RALYL: variants seen among roughly 807,000 people sequenced by gnomAD.
RALYL encodes the protein RALY RNA binding protein like.
RALYL carries 29 observed loss-of-function variants against 35.1 expected under a neutral mutation model. That is an observed-to-expected ratio of 0.83 (90% CI 0.61 to 1.13). The LOEUF is 1.13. Ranked by LOEUF, RALYL falls within the 50% of genes most tolerant of loss-of-function variation. The pLI, the probability that RALYL is intolerant of heterozygous loss-of-function variation, is 0.00. For missense variants in RALYL, 359 were observed against 360.4 expected (o/e 1.00, Z 0.03); for synonymous variants, 120 against 127.6 (o/e 0.94, Z 0.40).
At chr8:84,839,155 C>T (rs1832654657) in intron 4 of RALYL, among the ~76,000 whole-genome samples, 1 of 152,138 alleles carries the variant, frequency 6.6e-6, no homozygotes, top group African/African-American at 2.4e-5. Context: ...GAGTGTGAGC[C>T]AAAGCAGGGC....
At chr8:84,476,550 TGA>T (rs534899052) in intron 1 of RALYL, among the ~76,000 whole-genome samples, 4 of 152,238 alleles carry the variant, frequency 2.6e-5, no homozygotes, top group Non-Finnish European at 5.9e-5. Context: ...CTTAAAATGT[TGA>T]GCCAATGTCT....
At chr8:84,902,065 T>C (rs1447279976) in intron 8 of RALYL, among the ~76,000 whole-genome samples, 1 of 152,176 alleles carries the variant, frequency 6.6e-6, no homozygotes, top group Non-Finnish European at 1.5e-5. Flanking sequence ...ACTCACAATC[T>C]TGGAGATGTG....
intron 1 of RALYL, among the ~76,000 whole-genome samples, chr8:84,305,887 G>C (rs1841690101): frequency 6.6e-6 from 1 of 152,184 alleles, no homozygotes; most frequent in African/African-American, 2.4e-5. Flanking sequence ...AAAACAAAGA[G>C]TATGTAATTC....
intron 2 of RALYL, among the ~76,000 whole-genome samples, chr8:84,544,630 C>T (rs1277953766): frequency 1.3e-5 from 2 of 151,960 alleles, no homozygotes; most frequent in Non-Finnish European, 2.9e-5. Context: ...TGAGTATGCT[C>T]TTTCATATTT....
chr8:84,513,069 A>G (rs1166078403), intron 1 of RALYL, among the ~76,000 whole-genome samples: 1 of 152,068 alleles, frequency 6.6e-6, no homozygotes, highest in Non-Finnish European at 1.5e-5. Context: ...TGTCATTGGT[A>G]TTTTGATAGA....
intron 1 of RALYL, among the ~76,000 whole-genome samples, chr8:84,527,551 C>A (rs897832120): frequency 9.2e-5 from 14 of 152,084 alleles, no homozygotes; most frequent in Non-Finnish European, 1.9e-4. Flanking sequence ...AAGTAGTATG[C>A]TTTCTGTGGA....
chr8:84,555,975 A>G (rs1251953206), intron 2 of RALYL, among the ~76,000 whole-genome samples: 1 of 152,246 alleles, frequency 6.6e-6, no homozygotes. Context: ...AAAGAACACC[A>G]GAACTTAAAA....
intron 1 of RALYL, among the ~76,000 whole-genome samples, chr8:84,466,917 A>T (rs1229892961): frequency 2.0e-5 from 3 of 151,716 alleles, no homozygotes; most frequent in Non-Finnish European, 2.9e-5. Context: ...TAGATTTTCT[A>T]GTTTATTTGC....
At chr8:84,717,021 T>C (rs1843049803) in intron 2 of RALYL, among the ~76,000 whole-genome samples, 1 of 152,052 alleles carries the variant, frequency 6.6e-6, no homozygotes, top group African/African-American at 2.4e-5. Flanking sequence ...ACCCTCTCTC[T>C]ACTAAAAATA....
intron 2 of RALYL, among the ~76,000 whole-genome samples, chr8:84,713,654 C>A (rs2132510011): frequency 6.6e-6 from 1 of 151,866 alleles, no homozygotes; most frequent in South Asian, 2.1e-4. Context: ...TTAGTACAAC[C>A]ATTATGGAAA....
At chr8:84,493,840 C>T (rs2055636638) in intron 1 of RALYL, among the ~76,000 whole-genome samples, 1 of 152,030 alleles carries the variant, frequency 6.6e-6, no homozygotes, top group African/African-American at 2.4e-5. Context: ...AAATTGTCTC[C>T]TATTCTGTAG....
At chr8:84,396,178 C>T (rs911042361) in intron 1 of RALYL, among the ~76,000 whole-genome samples, 2 of 151,810 alleles carry the variant, frequency 1.3e-5, no homozygotes, top group African/African-American at 4.8e-5. Context: ...AGATTAGGTC[C>T]TAGATCAGGA....
chr8:84,315,472 A>C (rs1260984931), intron 1 of RALYL, among the ~76,000 whole-genome samples: 1 of 152,168 alleles, frequency 6.6e-6, no homozygotes, highest in Non-Finnish European at 1.5e-5. Context: ...GACTGATAAC[A>C]ATTTGCAACT....
chr8:84,231,986 T>A (rs961679738), intron 1 of RALYL, among the ~76,000 whole-genome samples: 3 of 152,062 alleles, frequency 2.0e-5, no homozygotes, highest in African/African-American at 4.8e-5. Context: ...ACATTTAGGA[T>A]CATCATGGAA....
At chr8:84,719,460 C>T (rs1158754121) in intron 2 of RALYL, among the ~76,000 whole-genome samples, 1 of 152,030 alleles carries the variant, frequency 6.6e-6, no homozygotes, top group Non-Finnish European at 1.5e-5. Context: ...ACTGACAACC[C>T]TAATTTCCTT....
intron 1 of RALYL, among the ~76,000 whole-genome samples, chr8:84,283,242 A>C (rs1013565261): frequency 6.6e-6 from 1 of 152,084 alleles, no homozygotes; most frequent in Non-Finnish European, 1.5e-5. Context: ...TGAGTTTGCT[A>C]TTGCATAGGC....
chr8:84,850,166 C>A (rs1835542125), intron 5 of RALYL, 139 bp downstream of exon 5: 5 of 450,292 alleles, frequency 1.1e-5, no homozygotes, highest in Non-Finnish European at 1.9e-5. Context: ...TAAATCCCAA[C>A]AAAATATACA....
At chr8:84,637,244 T>C (rs1390336957) in intron 2 of RALYL, among the ~76,000 whole-genome samples, 9 of 151,920 alleles carry the variant, frequency 5.9e-5, no homozygotes, top group Non-Finnish European at 1.2e-4. Context: ...GTTTTGTTTA[T>C]TCTAGGACAG....
At position 84,819,626 on chromosome 8, in the gene RALYL, A is replaced by G. The variant is rs374712586; in HGVS notation, c.365+14824A>G. ...TCTCCCTCAGTCTTTTACAATTAAAAAAATGTCTTAAGAAACAGAGGGGCT... is the reference window on the plus strand; with the variant it reads ...TCTCCCTCAGTCTTTTACAATTAAAGAAATGTCTTAAGAAACAGAGGGGCT... On this transcript the variant is annotated intron_variant, in intron 4 of 8. Coordinates refer to ENST00000521268, the MANE Select transcript of RALYL (RefSeq NM_173848.7). 2.6e-5 allele frequency among the ~76,000 whole-genome samples: 4 copies of G among 152,322 alleles called. 1 individual carries two copies. Among genetic ancestry groups the G allele is most frequent in the East Asian group, 3.9e-4 (2 of 5,184 alleles).
Sources: allele counts gnomAD v4.1 joint callset (sites outside exome capture counted in the v4.1 genomes callset), GRCh38; gene constraint gnomAD v4.1.1; transcripts MANE v1.5; gene names NCBI Gene and HGNC (gene_info 2026-07-23, HGNC 2026-07-21).